Variants in GUCY2F observed in about 807,000 individuals in gnomAD.
The protein encoded by GUCY2F is guanylate cyclase 2F, retinal, also known as retinal guanylyl cyclase 2.
Under a neutral mutation model 73.1 loss-of-function variants are expected in GUCY2F, and 61 were observed. The observed-to-expected ratio is 0.83, with a 90% CI of 0.68 to 1.03. The LOEUF (loss-of-function observed/expected upper bound fraction) is 1.03. Ranked by LOEUF, GUCY2F falls within the 50% of genes least tolerant of loss-of-function variation. The probability of loss-of-function intolerance (pLI) is 0.00; values close to 1 mark genes in which losing one functional copy is unlikely to be tolerated. For synonymous variants in GUCY2F, 331 were observed against 307.8 expected (o/e 1.08, Z -0.79); for missense variants, 912 against 854.3 (o/e 1.07, Z -0.84).
chrX:109,448,984 G>A (rs754240661), intron 5 of GUCY2F, among the ~76,000 whole-genome samples: 3 of 111,994 alleles, frequency 2.7e-5, no homozygotes, highest in Admixed American at 9.5e-5. Context: ...GTGTATTCAC[G>A]CAGTCAGGTA....
At chrX:109,413,423 G>A (rs766338373) in intron 8 of GUCY2F, among the ~76,000 whole-genome samples, 13 of 107,178 alleles carry the variant, frequency 1.2e-4, no homozygotes, top group African/African-American at 3.4e-4. Context: ...TTTTTTTTCT[G>A]AGATGGAGTC....
rs750274033 is a variant in GUCY2F at position 109,378,495 on chromosome X, T to A, written c.3151-2328A>T. On this transcript the variant is annotated intron_variant, in intron 17 of 19. Transcript: ENST00000218006. Reference sequence around the variant, plus strand: ...CACAGAGAGAGGGTGAAATTACTTGTCTGATGTCAGACATTAAGTCAGTGA... The same window carrying A: ...CACAGAGAGAGGGTGAAATTACTTGACTGATGTCAGACATTAAGTCAGTGA... Among the ~76,000 whole-genome samples the A allele has an allele frequency of 2.7e-5, 3 of 111,797 alleles. No individual in the cohort carries two copies. In the South Asian group the frequency reaches 1.1e-3, roughly 43 times the overall value.
At chrX:109,461,762 CAG>C (rs1180876250) in intron 3 of GUCY2F, among the ~76,000 whole-genome samples, 2 of 112,124 alleles carry the variant, frequency 1.8e-5, no homozygotes, top group Non-Finnish European at 3.8e-5. Context: ...AAAAGATGCA[CAG>C]AATCAACTTT....
Position 109,393,063 on chromosome X carries a change from TA to T in GUCY2F, c.2425-9del. 1 of 995,568 alleles carries T rather than the reference TA, an allele frequency of 1.0e-6. No individual in the cohort carries two copies. Among genetic ancestry groups the T allele is most frequent in the Non-Finnish European group, 1.4e-6 (1 of 705,940 alleles). 82.0% of individuals were successfully genotyped at this position (995,568 alleles called of 1,213,427 possible). ...TTTATTAAAAGTTTTAAACTGGAAG[TA>T]AAATAGAAAAGGGAACCAGAAAATG... is the stretch of plus-strand genomic sequence containing the variant. On this transcript the variant is annotated splice_polypyrimidine_tract_variant and intron_variant, in intron 12 of 19. Coordinates refer to ENST00000218006, the MANE Select transcript of GUCY2F (RefSeq NM_001522.3).
intron 8 of GUCY2F, among the ~76,000 whole-genome samples, chrX:109,425,897 T>C (rs373594466): frequency 1.8e-5 from 2 of 111,177 alleles, no homozygotes; most frequent in Non-Finnish European, 3.8e-5. Context: ...AGGATACTAA[T>C]AGTAAAAATC....
rs1336075192 is a variant in GUCY2F, at chrX:109,418,878, G to GA, written c.1792-9711dup. ...AGACTGATCAAGACAAAAAGAAAAA[G>GA]AAAAAATTATTAATATCTAGAATGA... On this transcript the variant is annotated intron_variant, in intron 8 of 19. Coordinates refer to ENST00000218006, the MANE Select transcript of GUCY2F (RefSeq NM_001522.3). 1.1e-4 allele frequency among the ~76,000 whole-genome samples: 12 copies of GA among 109,813 alleles called. No homozygotes were observed. In the Admixed American group the frequency reaches 1.2e-3, roughly 11 times the overall value.
chrX:109,456,133 C>T (rs1008651673), intron 3 of GUCY2F, among the ~76,000 whole-genome samples: 3 of 112,212 alleles, frequency 2.7e-5, no homozygotes, highest in Non-Finnish European at 5.6e-5. Flanking sequence ...GCATGTGCTG[C>T]CACCAAGGTA....
At chrX:109,462,574 G>A (rs193165457) in intron 3 of GUCY2F, among the ~76,000 whole-genome samples, 1 of 110,039 alleles carries the variant, frequency 9.1e-6, no homozygotes, top group Non-Finnish European at 1.9e-5. Context: ...AGCTAATGGC[G>A]TCTTTTTTTT....
chrX:109,403,957 C>T (rs754837880), intron 10 of GUCY2F, among the ~76,000 whole-genome samples: 1 of 112,251 alleles, frequency 8.9e-6, no homozygotes, highest in Non-Finnish European at 1.9e-5. Flanking sequence ...ACGTCCCATT[C>T]TAAAATGTAC....
At chrX:109,388,348 T>C (rs1373715071) in intron 15 of GUCY2F, 141 bp downstream of exon 15, 1 of 488,569 alleles carries the variant, frequency 2.0e-6, no homozygotes, top group Non-Finnish European at 3.6e-6. Flanking sequence ...TAAATTTGGG[T>C]AGGCATAAAG....
rs139018812 is a variant in GUCY2F at position 109,387,934 on chromosome X, G to A, written c.2956+555C>T. Among the ~76,000 whole-genome samples the A allele has an allele frequency of 1.2e-3, 139 of 111,582 alleles. 1 individual carries two copies. The East Asian group carries it at 0.021, about 17-fold the overall frequency. On this transcript the variant is annotated intron_variant, in intron 15 of 19. Coordinates refer to ENST00000218006, the MANE Select transcript of GUCY2F (RefSeq NM_001522.3). ...AAGGCAGACAAGGACCGGGGAAAGT[G>A]GTGAGAACTGAAGTCAGATTGCAAA...
rs760867873 is a variant in GUCY2F at position 109,430,295 on chromosome X, G to T, written c.1791+12C>A. 1 of 884,363 alleles carries T rather than the reference G, an allele frequency of 1.1e-6. No individual in the cohort carries two copies. Among genetic ancestry groups the T allele is most frequent in the South Asian group, 2.0e-5 (1 of 49,031 alleles). The allele number at this position is 884,363 out of a possible 1,213,427, so 72.9% of individuals were successfully genotyped here. On this transcript the variant is annotated intron_variant, in intron 8 of 19. Coordinates refer to ENST00000218006, the MANE Select transcript of GUCY2F (RefSeq NM_001522.3). ...TTTAGTGGGAATTTACATAAACGAAGATTTCTCATACCATTTCGAACACAT... is the reference window on the plus strand; with the variant it reads ...TTTAGTGGGAATTTACATAAACGAATATTTCTCATACCATTTCGAACACAT...
intron 19 of GUCY2F, among the ~76,000 whole-genome samples, chrX:109,373,899 GC>G (rs1419838897): frequency 3.6e-5 from 4 of 112,274 alleles, no homozygotes; most frequent in African/African-American, 9.7e-5. Flanking sequence ...GACGTGTAGG[GC>G]CCTGCTTCAG....
chrX:109,476,771 T>C lies in GUCY2F; in HGVS notation c.-85-750A>G, dbSNP rs561660787. ...ATAGATAGATAGATAGATAGATAGATAGACAGACTATATATATATGTGTGT... is the reference window on the plus strand; with the variant it reads ...ATAGATAGATAGATAGATAGATAGACAGACAGACTATATATATATGTGTGT... On this transcript the variant is annotated intron_variant, in intron 1 of 19. Coordinates refer to ENST00000218006, the MANE Select transcript of GUCY2F (RefSeq NM_001522.3). Among the ~76,000 whole-genome samples the C allele has an allele frequency of 7.7e-3, 732 of 95,175 alleles. 3 individuals carry two copies. The highest frequency in any genetic ancestry group is 0.014 in the South Asian group (30 of 2,169). The allele number at this position is 95,175 out of a possible 115,157, so 82.6% of individuals were successfully genotyped here.
chrX:109,441,480 T>C lies in GUCY2F; in HGVS notation c.1572A>G (p.Arg524=). 8.5e-7 allele frequency: 1 copy of C among 1,172,085 alleles called. No individual in the cohort carries two copies. The highest frequency in any genetic ancestry group is 1.1e-6 in the Non-Finnish European group (1 of 874,525). Residue 524 remains arginine, a splice_region_variant and synonymous_variant, in exon 7 of 20, where the codon AGA becomes AGG. Transcript: ENST00000218006. The part of the protein sequence containing the change: ...TFINPHFGSK[R]GSRASVSFQI... ...GGAAGCTTACACTGGCACGACTTCC[T>C]CTCTGTGAAAGGATTAGGAAAGAAA...
chrX:109,377,628 C>T (rs1446264476), intron 17 of GUCY2F, among the ~76,000 whole-genome samples: 2 of 111,756 alleles, frequency 1.8e-5, no homozygotes, highest in African/African-American at 6.5e-5. Flanking sequence ...AGCCCTTGTG[C>T]ACTTGGAATA....
intron 17 of GUCY2F, among the ~76,000 whole-genome samples, chrX:109,376,872 T>C (rs774917467): frequency 8.9e-6 from 1 of 112,041 alleles, no homozygotes; most frequent in Admixed American, 9.4e-5. Context: ...CCTCTCAATG[T>C]GCTTCTCTCT....
chrX:109,416,933 C>CAAAAAAAAAAAAAAAAA (rs367707786), intron 8 of GUCY2F, among the ~76,000 whole-genome samples: 1 of 57,627 alleles, frequency 1.7e-5, no homozygotes. Context: ...CAAAGAAATG[C>CAAAAAAAAAAAAAAAAA]AAAAAAAAAA....
chrX:109,431,780 G>A (rs1290613052), intron 7 of GUCY2F, among the ~76,000 whole-genome samples: 2 of 109,653 alleles, frequency 1.8e-5, no homozygotes, highest in Non-Finnish European at 3.8e-5. Flanking sequence ...AAACCTGCCA[G>A]AGGCAAAGGC....
Sources: gnomAD v4.1 joint callset for allele counts (sites outside exome capture counted in the v4.1 genomes callset) on GRCh38, gnomAD v4.1.1 for gene constraint, MANE v1.5 for transcripts, NCBI Gene and HGNC (gene_info 2026-07-23, HGNC 2026-07-21) for gene names.